The following KIAA1217 variants were observed in gnomAD, a reference collection of about 807,000 sequenced individuals.
KIAA1217 encodes the protein sickle tail protein homolog.
Under a neutral mutation model 163.9 loss-of-function variants are expected in KIAA1217, and 88 were observed. The observed-to-expected ratio is 0.54, with a 90% CI of 0.45 to 0.64. The LOEUF (loss-of-function observed/expected upper bound fraction) is 0.64. KIAA1217 is among the 30% of genes least tolerant of loss of function. The probability of loss-of-function intolerance (pLI) is 0.00; values close to 1 mark genes in which losing one functional copy is unlikely to be tolerated. For missense variants in KIAA1217, 2,372 were observed against 2,475.0 expected (o/e 0.96, Z 0.88); for synonymous variants, 903 against 923.1 (o/e 0.98, Z 0.39).
Position 24,351,449 on chromosome 10 carries a change from A to T in KIAA1217, c.355-29420A>T, listed in dbSNP as rs192900113. Among the ~76,000 whole-genome samples, 7 of 152,144 alleles carry T rather than the reference A, an allele frequency of 4.6e-5. No individual in the cohort carries two copies. The East Asian group carries it at 9.7e-4, about 21-fold the overall frequency. On this transcript the variant is annotated intron_variant, in intron 2 of 20. Coordinates refer to ENST00000376454, the MANE Select transcript of KIAA1217 (RefSeq NM_019590.5). ...TGTTCATGCGTGTCCTCCCTCGTTC[A>T]TTCCCTAGTATGGGTGGATATAGCT... is the stretch of plus-strand genomic sequence containing the variant.
intron 5 of KIAA1217, among the ~76,000 whole-genome samples, chr10:24,451,768 C>T (rs764806169): frequency 6.6e-6 from 1 of 152,230 alleles, no homozygotes; most frequent in Non-Finnish European, 1.5e-5. Flanking sequence ...CATCCCTTTT[C>T]TTTGCTCTTA....
At chr10:24,480,175 G>T (rs191883146) in intron 6 of KIAA1217, among the ~76,000 whole-genome samples, 1 of 152,236 alleles carries the variant, frequency 6.6e-6, no homozygotes, top group African/African-American at 2.4e-5. Context: ...GCCCAGGGGG[G>T]CAAAATGCCC....
At chr10:24,167,003 C>T (rs1277451423) in intron 2 of KIAA1217, among the ~76,000 whole-genome samples, 1 of 151,932 alleles carries the variant, frequency 6.6e-6, no homozygotes, top group African/African-American at 2.4e-5. Flanking sequence ...GGGATGGCAG[C>T]GAATAAGTTA....
chr10:23,961,056 CT>C (rs1441912742), intron 1 of KIAA1217, among the ~76,000 whole-genome samples: 1 of 152,128 alleles, frequency 6.6e-6, no homozygotes, highest in African/African-American at 2.4e-5. Flanking sequence ...GGAAGCCATT[CT>C]GTGGAATTCC....
At chr10:23,990,998 A>G (rs949519951) in intron 1 of KIAA1217, among the ~76,000 whole-genome samples, 1 of 152,202 alleles carries the variant, frequency 6.6e-6, no homozygotes, top group Non-Finnish European at 1.5e-5. Context: ...CTTGGAACCT[A>G]CCCTTTGAAA....
At chr10:24,038,165 A>G (rs986220390) in intron 2 of KIAA1217, among the ~76,000 whole-genome samples, 1 of 152,170 alleles carries the variant, frequency 6.6e-6, no homozygotes. Context: ...TATACCATGC[A>G]CTGTTGACCA....
intron 2 of KIAA1217, among the ~76,000 whole-genome samples, chr10:24,118,869 G>A (rs2063167566): frequency 6.6e-6 from 1 of 151,890 alleles, no homozygotes; most frequent in Admixed American, 6.6e-5. Flanking sequence ...CTTTCTTTTT[G>A]AGCAAAAAAG....
intron 1 of KIAA1217, among the ~76,000 whole-genome samples, chr10:23,857,227 C>T (rs190060582): frequency 1.1e-4 from 16 of 152,280 alleles, no homozygotes; most frequent in East Asian, 9.6e-4. Flanking sequence ...ACTCCCCATA[C>T]GATACTGACT....
upstream of KIAA1217, among the ~76,000 whole-genome samples, chr10:24,206,024 T>A (rs906811959): frequency 1.3e-5 from 2 of 152,206 alleles, no homozygotes; most frequent in African/African-American, 4.8e-5. Context: ...TCGTCACTTG[T>A]CTTTCCTTTT....
chr10:24,044,322 G>A (rs1384379075), intron 2 of KIAA1217, among the ~76,000 whole-genome samples: 1 of 152,138 alleles, frequency 6.6e-6, no homozygotes, highest in Non-Finnish European at 1.5e-5. Flanking sequence ...CACCATCTGA[G>A]ATTTATGTTG....
intron 3 of KIAA1217, among the ~76,000 whole-genome samples, chr10:24,391,112 C>CA (rs955752109): frequency 1.3e-4 from 19 of 150,960 alleles, no homozygotes; most frequent in Admixed American, 5.9e-4. Context: ...TGCCTTTTAC[C>CA]AAAAAAAATA....
chr10:23,785,277 A>G (rs1835440590), intron 1 of KIAA1217, among the ~76,000 whole-genome samples: 1 of 152,002 alleles, frequency 6.6e-6, no homozygotes, highest in Non-Finnish European at 1.5e-5. Context: ...TTCTTCCTTT[A>G]TTTATCTGAC....
rs1409004077 is a variant in KIAA1217, at chr10:24,400,958, A to AACACAC, written c.553+19894_553+19895insCACACA. On this transcript the variant is annotated intron_variant, in intron 3 of 20. Coordinates refer to ENST00000376454, the MANE Select transcript of KIAA1217 (RefSeq NM_019590.5). ...AAATAACACAAAATTCCAAGCAAGA[A>AACACAC]ACATACACACACACACACACACACA... 2.9e-4 allele frequency among the ~76,000 whole-genome samples: 26 copies of AACACAC among 89,864 alleles called. No individual in the cohort carries two copies. The African/African-American group carries it at 3.3e-3, about 11-fold the overall frequency. 59.0% of individuals were successfully genotyped at this position (89,864 alleles called of 152,430 possible).
At chr10:24,112,495 A>G (rs1277457636) in intron 2 of KIAA1217, among the ~76,000 whole-genome samples, 1 of 152,204 alleles carries the variant, frequency 6.6e-6, no homozygotes, top group Non-Finnish European at 1.5e-5. Flanking sequence ...TTATTTGGAA[A>G]TTGAGCCTTG....
At chr10:24,422,872 C>T (rs1415531509) in intron 3 of KIAA1217, among the ~76,000 whole-genome samples, 1 of 149,572 alleles carries the variant, frequency 6.7e-6, no homozygotes, top group Admixed American at 6.8e-5. Context: ...GGGCAAGACA[C>T]TCTCTCATAT....
chr10:24,517,654 C>T (rs2134415838), intron 10 of KIAA1217, among the ~76,000 whole-genome samples: 1 of 152,200 alleles, frequency 6.6e-6, no homozygotes, highest in South Asian at 2.1e-4. Flanking sequence ...GGTTGAATTA[C>T]TGGTGAGCCA....
intron 2 of KIAA1217, among the ~76,000 whole-genome samples, chr10:24,188,738 C>G (rs2066562181): frequency 6.6e-6 from 1 of 152,268 alleles, no homozygotes; most frequent in Admixed American, 6.5e-5. Context: ...TAGTTCATTC[C>G]TCCCAACATG....
intron 2 of KIAA1217, among the ~76,000 whole-genome samples, chr10:24,306,233 A>G (rs1464657333): frequency 1.3e-5 from 2 of 152,216 alleles, no homozygotes; most frequent in Non-Finnish European, 2.9e-5. Flanking sequence ...ACAGCAACCA[A>G]CTTGGAAATC....
At chr10:23,824,459 C>T (rs1029114598) in intron 1 of KIAA1217, among the ~76,000 whole-genome samples, 1 of 149,068 alleles carries the variant, frequency 6.7e-6, no homozygotes, top group Non-Finnish European at 1.5e-5. Context: ...GAAACCCCGT[C>T]TCTACTAAAA....
Sources: allele counts gnomAD v4.1 joint callset (sites outside exome capture counted in the v4.1 genomes callset), GRCh38; gene constraint gnomAD v4.1.1; transcripts MANE v1.5; gene names NCBI Gene and HGNC (gene_info 2026-07-23, HGNC 2026-07-21).